Variants in NDUFB6 observed in about 807,000 individuals in gnomAD.
The protein encoded by NDUFB6 is NADH:ubiquinone oxidoreductase subunit B6.
In NDUFB6, 23 loss-of-function variants were observed where a neutral mutation model predicts 17.5. The ratio of observed to expected loss-of-function variants is 1.31; its 90% confidence interval spans 0.94 to 1.86. The LOEUF is 1.86. NDUFB6 is among the 40% of genes most tolerant of loss of function. NDUFB6 has a pLI of 0.00. For synonymous variants in NDUFB6, 60 were observed against 53.5 expected (o/e 1.12, Z -0.53); for missense variants, 167 against 153.8 (o/e 1.09, Z -0.46).
chr9:32,566,877 C>T (rs780584766), intron 2 of NDUFB6: 7 of 636,704 alleles, frequency 1.1e-5, no homozygotes, highest in Admixed American at 4.5e-5. Context: ...GCCACGCGTG[C>T]GGCTGGCGAA....
intron 2 of NDUFB6, among the ~76,000 whole-genome samples, chr9:32,562,217 C>T (rs1821646317): frequency 6.6e-6 from 1 of 152,190 alleles, no homozygotes; most frequent in African/African-American, 2.4e-5. Flanking sequence ...TACCTATCTT[C>T]CAACTTTACT....
In NDUFB6 at chr9:32,573,030, G is replaced by A; in HGVS notation, c.31C>T (p.Arg11Trp). Residue 11 changes from arginine to tryptophan, a missense_variant, in exon 1 of 4, where the codon CGG becomes TGG. Transcript: ENST00000379847. MTGYTPDEKL[R>W]LQQLRELRRR... ...CTCAGCTCTCGCAGCTGCTGCAGCCGCAGTTTCTCATCCGGAGTGTACCCC... is the reference window on the plus strand; with the variant it reads ...CTCAGCTCTCGCAGCTGCTGCAGCCACAGTTTCTCATCCGGAGTGTACCCC... 2 of 1,597,534 alleles carry A rather than the reference G, an allele frequency of 1.3e-6. No homozygotes were observed. The highest frequency in any genetic ancestry group is 8.5e-7 in the Non-Finnish European group (1 of 1,171,416).
chr9:32,553,212 T>G lies in NDUFB6; in HGVS notation c.*664A>C. ...TGATTCGGAAAGCTTTTTTTTTTTT[T>G]GAGACGGAGTCTTGCTCTGTCGCCC... On this transcript the variant is annotated 3_prime_UTR_variant, in exon 4 of 4. Transcript: ENST00000379847. 1 of 251,918 alleles carries G rather than the reference T, an allele frequency of 4.0e-6. No individual in the cohort carries two copies. Among genetic ancestry groups the G allele is most frequent in the Non-Finnish European group, 7.7e-6 (1 of 129,932 alleles). The allele number at this position is 251,918 out of a possible 1,614,324, so 15.6% of individuals were successfully genotyped here.
In NDUFB6 at chr9:32,553,836, A is replaced by G. The variant is rs777776611; in HGVS notation, c.*40T>C. The G allele has an allele frequency of 3.0e-6, 4 of 1,327,618 alleles. No individual in the cohort carries two copies. The highest frequency in any genetic ancestry group is 4.3e-6 in the Non-Finnish European group (4 of 932,722). 82.2% of individuals were successfully genotyped at this position (1,327,618 alleles called of 1,614,324 possible). Reference sequence around the variant, plus strand: ...TCAGTAAATATGGTAATATAGGAACAAACTTAGGCTCATAAGCCTTTTAAC... The same window carrying G: ...TCAGTAAATATGGTAATATAGGAACGAACTTAGGCTCATAAGCCTTTTAAC... On this transcript the variant is annotated 3_prime_UTR_variant, in exon 4 of 4. Transcript: ENST00000379847.
At chr9:32,571,492 G>A (rs1445399962) in intron 1 of NDUFB6, among the ~76,000 whole-genome samples, 1 of 152,084 alleles carries the variant, frequency 6.6e-6, no homozygotes, top group Non-Finnish European at 1.5e-5. Flanking sequence ...GTATAAGGCA[G>A]ACAACCTTGA....
At chr9:32,570,420 C>A (rs1821912832) in intron 2 of NDUFB6, among the ~76,000 whole-genome samples, 1 of 152,174 alleles carries the variant, frequency 6.6e-6, no homozygotes, top group South Asian at 2.1e-4. Flanking sequence ...GGATCCAACA[C>A]CCTGCACCAG....
In NDUFB6 at chr9:32,553,509, A is replaced by G. The variant is rs1269750988; in HGVS notation, c.*367T>C. 4.8e-6 allele frequency: 1 copy of G among 207,924 alleles called. No individual in the cohort carries two copies. Among genetic ancestry groups the G allele is most frequent in the Non-Finnish European group, 9.8e-6 (1 of 102,454 alleles). 12.9% of individuals were successfully genotyped at this position (207,924 alleles called of 1,614,324 possible). Reference sequence around the variant, plus strand: ...TGGCCGGAAAGATTTCCTTAAAACAAAAGTGCATGGAATTGCTGTTCTTAC... The same window carrying G: ...TGGCCGGAAAGATTTCCTTAAAACAGAAGTGCATGGAATTGCTGTTCTTAC... On this transcript the variant is annotated 3_prime_UTR_variant, in exon 4 of 4. Transcript: ENST00000379847.
chr9:32,569,188 C>G, intron 2 of NDUFB6, among the ~76,000 whole-genome samples: 1 of 152,114 alleles, frequency 6.6e-6, no homozygotes, highest in East Asian at 1.9e-4. Context: ...CTCAAATGAT[C>G]ATTAGCATTT....
intron 3 of NDUFB6, among the ~76,000 whole-genome samples, chr9:32,555,897 G>A (rs768555771): frequency 6.6e-6 from 1 of 152,224 alleles, no homozygotes; most frequent in Non-Finnish European, 1.5e-5. Context: ...CACGGGTTAG[G>A]AGTGAGATTT....
intron 3 of NDUFB6, among the ~76,000 whole-genome samples, chr9:32,556,912 C>T (rs192399025): frequency 9.4e-5 from 12 of 127,430 alleles, no homozygotes; most frequent in Admixed American, 6.0e-4. Flanking sequence ...AGTGCAGTGG[C>T]GCAATCTTGG....
At position 32,559,014 on chromosome 9, in the gene NDUFB6, A is replaced by C. The variant is rs979429489; in HGVS notation, c.274-60T>G. 18 of 1,244,372 alleles carry C rather than the reference A, an allele frequency of 1.4e-5. No homozygotes were observed. In the Admixed American group the frequency reaches 3.6e-4, roughly 25 times the overall value. The allele number at this position is 1,244,372 out of a possible 1,614,324, so 77.1% of individuals were successfully genotyped here. A position where few individuals can be genotyped will look rare whatever the true frequency, so the allele number is the denominator to read the frequency against. On this transcript the variant is annotated intron_variant, in intron 2 of 3. Transcript: ENST00000379847. ...GTTAAGAGTTTCTTCTGAAAATAAG[A>C]AATAGGTCATACCCCAAATTTTAAC...
Position 32,563,491 on chromosome 9 carries a change from C to CTTTTTTTTTTTTTTTTTTTTTTTTT in NDUFB6, c.274-4538_274-4537insAAAAAAAAAAAAAAAAAAAAAAAAA, listed in dbSNP as rs111646430. 1.4e-4 allele frequency among the ~76,000 whole-genome samples: 13 copies of CTTTTTTTTTTTTTTTTTTTTTTTTT among 91,986 alleles called. 1 individual carries two copies. Among genetic ancestry groups the CTTTTTTTTTTTTTTTTTTTTTTTTT allele is most frequent in the African/African-American group, 5.8e-4 (13 of 22,582 alleles). The allele number at this position is 91,986 out of a possible 152,430, so 60.3% of individuals were successfully genotyped here. On this transcript the variant is annotated intron_variant, in intron 2 of 3. Coordinates refer to ENST00000379847, the MANE Select transcript of NDUFB6 (RefSeq NM_002493.5). ...CTCCTGAACAGGTGGGACTATTGGG[C>CTTTTTTTTTTTTTTTTTTTTTTTTT]TTTTTTTTTTTTTGGAGGGATGGGG...
chr9:32,560,987 G>C (rs1277784349), intron 2 of NDUFB6, among the ~76,000 whole-genome samples: 1 of 152,186 alleles, frequency 6.6e-6, no homozygotes. Context: ...CTGACAGAAA[G>C]TAATATATTT....
intron 2 of NDUFB6, chr9:32,568,493 G>GC (rs1046141107): frequency 4.9e-6 from 1 of 203,302 alleles, no homozygotes; most frequent in African/African-American, 2.4e-5. Flanking sequence ...AGTTGATAAA[G>GC]CAGCGGCATG....
chr9:32,571,053 C>T lies in NDUFB6; in HGVS notation c.181-1G>A. 6.3e-7 allele frequency: 1 copy of T among 1,587,518 alleles called. No individual in the cohort carries two copies. ...TACTCTTTTTGTATACCCCATGGAC[C>T]TGGGGGGAAAAACACATACACAAAA... is the stretch of plus-strand genomic sequence containing the variant. On this transcript the variant is annotated splice_acceptor_variant, in intron 1 of 3. Coordinates refer to ENST00000379847, the MANE Select transcript of NDUFB6 (RefSeq NM_002493.5). LOFTEE classifies it high-confidence loss of function.
chr9:32,572,876 C>A lies in NDUFB6; in HGVS notation c.180+5G>T. 1 of 1,571,234 alleles carries A rather than the reference C, an allele frequency of 6.4e-7. No individual in the cohort carries two copies. Among genetic ancestry groups the A allele is most frequent in the Non-Finnish European group, 8.6e-7 (1 of 1,157,908 alleles). ...TGGGGGGGACCGGAGAGGTCTGTCA[C>A]TCACCATTTTCCTCCAAGGGGATTT... On this transcript the variant is annotated splice_donor_5th_base_variant and intron_variant, in intron 1 of 3. Transcript: ENST00000379847.
intron 3 of NDUFB6, among the ~76,000 whole-genome samples, chr9:32,556,404 T>C (rs10813833): frequency 0.21 from 31,620 of 152,224 alleles, 3,474 homozygotes; most frequent in Non-Finnish European, 0.25. Flanking sequence ...TCATATTCGA[T>C]AGGCACGGCT....
chr9:32,566,247 G>A (rs1821786075), intron 2 of NDUFB6: 1 of 1,007,366 alleles, frequency 9.9e-7, no homozygotes. Context: ...TTTTCTTATG[G>A]CAGACAACAC....
chr9:32,556,139 G>A (rs1821449227), intron 3 of NDUFB6, among the ~76,000 whole-genome samples: 1 of 152,238 alleles, frequency 6.6e-6, no homozygotes, highest in African/African-American at 2.4e-5. Context: ...TAAGGAGAGA[G>A]ACTAAGTGTG....
Sources: gnomAD v4.1 joint callset for allele counts (sites outside exome capture counted in the v4.1 genomes callset) on GRCh38, gnomAD v4.1.1 for gene constraint, MANE v1.5 for transcripts, NCBI Gene and HGNC (gene_info 2026-07-23, HGNC 2026-07-21) for gene names.